Variants in KIF7 observed in about 807,000 individuals in gnomAD.
KIF7 encodes the protein kinesin-like protein KIF7.
KIF7 carries 104 observed loss-of-function variants against 135.7 expected under a neutral mutation model. The observed-to-expected ratio is 0.77, with a 90% CI of 0.65 to 0.90. The LOEUF (loss-of-function observed/expected upper bound fraction) is 0.90. Ranked by LOEUF, KIF7 falls within the 40% of genes least tolerant of loss-of-function variation. KIF7 has a pLI of 0.00. For missense variants in KIF7, 2,005 were observed against 1,839.1 expected, an observed-to-expected ratio of 1.09 and a Z score of -1.65; for synonymous variants, 883 against 809.4, an observed-to-expected ratio of 1.09 and a Z score of -1.54.
At position 89,618,177 on chromosome 15, in the gene KIF7, G is replaced by C. The variant is rs767950079; in HGVS notation, c.200C>G (p.Pro67Arg). 1.2e-5 allele frequency: 19 copies of C among 1,613,980 alleles called. No homozygotes were observed. In the South Asian group the frequency reaches 1.6e-4, roughly 14 times the overall value. Reference sequence around the variant, plus strand: ...GTCCTCTGATCCTGGTCCTGATATTGGTGTTGTTGAAGAGTCCCCTGAAAA... The same window carrying C: ...GTCCTCTGATCCTGGTCCTGATATTCGTGTTGTTGAAGAGTCCCCTGAAAA... The change falls in exon 2 of 3, where the codon CCA (proline) becomes CGA (arginine). Residue 67 changes from proline (P) to arginine (R), a missense_variant and NMD_transcript_variant. By Grantham distance (103) the Pro-to-Arg change is moderately radical. Coordinates refer to the KIF7 transcript ENST00000558928.
At chr15:89,619,190 T>C (rs1157725811) in intron 1 of KIF7, among the ~76,000 whole-genome samples, 1 of 150,674 alleles carries the variant, frequency 6.6e-6, no homozygotes, top group Non-Finnish European at 1.5e-5. Flanking sequence ...AAACCTAACA[T>C]AAATACTTGT....
chr15:89,628,471 TC>T lies in KIF7; in HGVS notation c.3979del (p.Glu1327AsnfsTer9). 6.2e-7 allele frequency: 1 copy of T among 1,610,632 alleles called. No homozygotes were observed. The highest frequency in any genetic ancestry group is 8.5e-7 in the Non-Finnish European group (1 of 1,178,398). On this transcript the variant is annotated frameshift_variant, in exon 19 of 19. Coordinates refer to ENST00000394412, the MANE Select transcript of KIF7 (RefSeq NM_198525.3). LOFTEE classifies it high-confidence loss of function. ...NFGPLSKPRRELRRASPGMID... is the reference protein window; with the variant it reads ...NFGPLSKPRRXLRRASPGMID... ...CATCCCCGGGCTGGCTCGTCGCAGT[TC>T]CCGCCGGGGCTTGGACAAAGGCCCA... is the stretch of plus-strand genomic sequence containing the variant.
In KIF7 at chr15:89,648,563, G is replaced by T; in HGVS notation, c.1135C>A (p.Arg379Ser). The change falls in exon 5 of 19, where the codon CGC becomes AGC. Residue 379 changes from arginine to serine, a missense_variant. Transcript: ENST00000394412. ...CGGTGGATGATGCGGGTCTCGGAGC[G>T]GTGCCGTGGCGGACCCCGCGCGCCG... ...ASGARGPPRH[R>S]SETRIIHRGR... 1 of 1,453,166 alleles carries T rather than the reference G, an allele frequency of 6.9e-7. No individual in the cohort carries two copies. Among genetic ancestry groups the T allele is most frequent in the Non-Finnish European group, 9.1e-7 (1 of 1,104,048 alleles). The allele number at this position is 1,453,166 out of a possible 1,614,324, so 90.0% of individuals were successfully genotyped here. A position where few individuals can be genotyped will look rare whatever the true frequency, so the allele number is the denominator to read the frequency against.
At position 89,649,317 on chromosome 15, in the gene KIF7, T is replaced by G. The variant is rs1964084413; in HGVS notation, c.580A>C (p.Ser194Arg). 2 of 1,481,180 alleles carry G rather than the reference T, an allele frequency of 1.4e-6. No individual in the cohort carries two copies. The highest frequency in any genetic ancestry group is 1.8e-6 in the Non-Finnish European group (2 of 1,110,536). The allele number at this position is 1,481,180 out of a possible 1,614,324, so 91.8% of individuals were successfully genotyped here. ...VDVEGLDEVL[S>R]LLEMGNAARH... Reference sequence around the variant, plus strand: ...GCCGCGTTGCCCATCTCCAGGAGGCTCAGCACCTCATCCAGGCCCTCCACG... The same window carrying G: ...GCCGCGTTGCCCATCTCCAGGAGGCGCAGCACCTCATCCAGGCCCTCCACG... The change falls in exon 4 of 19, where the codon AGC (serine) becomes CGC (arginine). Residue 194 changes from serine to arginine, a missense_variant. Physicochemically the swap from Ser to Arg is moderately radical, Grantham distance 110. Transcript: ENST00000394412.
chr15:89,641,042 T>C (rs1963910939), intron 11 of KIF7, among the ~76,000 whole-genome samples: 2 of 152,190 alleles, frequency 1.3e-5, no homozygotes, highest in African/African-American at 4.8e-5. Context: ...GAGACCGTGA[T>C]GGGCTGAATT....
In KIF7 at chr15:89,630,317, G is replaced by A. The variant is rs1433443108; in HGVS notation, c.3288C>T (p.Thr1096=). The A allele has an allele frequency of 1.2e-6, 2 of 1,614,010 alleles. No individual in the cohort carries two copies. Among genetic ancestry groups the A allele is most frequent in the East Asian group, 2.2e-5 (1 of 44,880 alleles). Residue 1096 remains threonine, a synonymous_variant, in exon 16 of 19, where the codon ACC becomes ACT. Transcript: ENST00000394412. ...AKLSYLSSSE[T]RALLCKYFDK... ...CAAAATACTTGCAGAGGAGGGCTCT[G>A]GTCTCTGAGGATGAGAGGTAGCTGA...
intron 5 of KIF7, 55 bp from the exon 6 acceptor site, chr15:89,647,767 AC>A: frequency 7.7e-7 from 1 of 1,303,354 alleles, no homozygotes; most frequent in Non-Finnish European, 1.1e-6. Flanking sequence ...CGAGCTGGAC[AC>A]CCGGCCTCTT....
chr15:89,621,447 T>C (rs772229279), intron 1 of KIF7: 7 of 1,613,972 alleles, frequency 4.3e-6, no homozygotes, highest in Non-Finnish European at 5.9e-6. Flanking sequence ...AGTCTTCTTT[T>C]TGGGGCAATG....
intron 16 of KIF7, 83 bp downstream of exon 16, chr15:89,630,204 T>C: frequency 7.7e-7 from 1 of 1,295,090 alleles, no homozygotes; most frequent in Admixed American, 1.8e-5. Flanking sequence ...GGAAACGGGA[T>C]ATCCGCTGGA....
chr15:89,620,587 C>T (rs546670155), intron 1 of KIF7, among the ~76,000 whole-genome samples: 2 of 152,156 alleles, frequency 1.3e-5, no homozygotes, highest in East Asian at 1.9e-4. Flanking sequence ...GTTAATATGC[C>T]GTCTTACTAA....
intron 6 of KIF7, among the ~76,000 whole-genome samples, chr15:89,647,305 T>A (rs1272463522): frequency 6.6e-6 from 1 of 152,122 alleles, no homozygotes; most frequent in African/African-American, 2.4e-5. Flanking sequence ...CCAGGAGCAA[T>A]GCTGACCTGG....
downstream of KIF7, chr15:89,625,363 T>C: frequency 6.2e-7 from 1 of 1,613,992 alleles, no homozygotes; most frequent in Non-Finnish European, 8.5e-7. Context: ...AATTAAAGAC[T>C]GGCCCAGGAG....
At chr15:89,625,418 G>T (rs1963503200), downstream of KIF7, 3 of 1,614,024 alleles carry the variant, frequency 1.9e-6, no homozygotes, top group African/African-American at 1.3e-5. Flanking sequence ...TCCGGGAGGG[G>T]CGAGGTCGGT....
At position 89,628,724 on chromosome 15, in the gene KIF7, G is replaced by T. The variant is rs1467465513; in HGVS notation, c.3727C>A (p.His1243Asn). ...AGCCAGAGAAGCTCGGGTGCCAGGT[G>T]GAGCTCATCTTCATTTCCAGGAGCC... Reference protein sequence around the residue: ...RQAPGNEDELHLAPELLWLSP... With the variant: ...RQAPGNEDELNLAPELLWLSP... The change falls in exon 19 of 19, where the codon CAC (histidine) becomes AAC (asparagine). Residue 1243 changes from histidine (H) to asparagine (N), a missense_variant. By Grantham distance (68) the His-to-Asn change is moderately conservative. Coordinates refer to ENST00000394412, the MANE Select transcript of KIF7 (RefSeq NM_198525.3). 3 of 1,613,000 alleles carry T rather than the reference G, an allele frequency of 1.9e-6. No homozygotes were observed. The highest frequency in any genetic ancestry group is 2.5e-6 in the Non-Finnish European group (3 of 1,179,944).
chr15:89,654,875 C>T (rs1964183472), intron 1 of KIF7, among the ~76,000 whole-genome samples: 1 of 152,270 alleles, frequency 6.6e-6, no homozygotes, highest in Non-Finnish European at 1.5e-5. Flanking sequence ...GCTCCCGACC[C>T]TGGGCACACA....
At chr15:89,630,648 C>A in intron 15 of KIF7, 155 bp from the exon 16 acceptor site, 1 of 698,890 alleles carries the variant, frequency 1.4e-6, no homozygotes. Context: ...GTGCCCCCTG[C>A]TCACTGTCAC....
rs967917846 is a variant in KIF7, at chr15:89,642,218, G to A, written c.2379C>T (p.Ala793=). ...CGAGACTAACCTGCACCTGGCTCTG[G>A]GCCGCAGCGACCCTCCTGCGGAACT... is the stretch of plus-strand genomic sequence containing the variant. The part of the protein sequence containing the change: ...LQEFRRRVAA[A]QSQVQVLKEK... The change falls in exon 11 of 19, where the codon GCC becomes GCT. Residue 793 remains alanine (A), a synonymous_variant. Coordinates refer to ENST00000394412, the MANE Select transcript of KIF7 (RefSeq NM_198525.3). The A allele has an allele frequency of 6.2e-7, 1 of 1,610,296 alleles. No individual in the cohort carries two copies. The highest frequency in any genetic ancestry group is 8.5e-7 in the Non-Finnish European group (1 of 1,179,608).
chr15:89,653,265 AC>A (rs767876582), intron 1 of KIF7, among the ~76,000 whole-genome samples: 9 of 152,176 alleles, frequency 5.9e-5, no homozygotes, highest in Non-Finnish European at 1.0e-4. Context: ...AGAAGAACGC[AC>A]ACACACAGCA....
chr15:89,618,241 A>G, intron 1 of KIF7: 1 of 1,597,578 alleles, frequency 6.3e-7, no homozygotes, highest in Non-Finnish European at 8.6e-7. Flanking sequence ...TTTTTAATGC[A>G]ATCTACCCAG....
Sources: allele counts gnomAD v4.1 joint callset (sites outside exome capture counted in the v4.1 genomes callset), GRCh38; gene constraint gnomAD v4.1.1; transcripts MANE v1.5; gene names NCBI Gene and HGNC (gene_info 2026-07-23, HGNC 2026-07-21).